Variants in RB1 observed in about 807,000 individuals in gnomAD.
The protein encoded by RB1 is retinoblastoma-associated protein.
RB1 carries 18 observed loss-of-function variants against 135.4 expected under a neutral mutation model. The observed-to-expected ratio is 0.13, with a 90% CI of 0.09 to 0.20. The LOEUF is 0.20. Ranked by LOEUF, RB1 falls within the 10% of genes least tolerant of loss-of-function variation. The probability of loss-of-function intolerance (pLI) is 1.00; values close to 1 mark genes in which losing one functional copy is unlikely to be tolerated. For missense variants in RB1, 868 were observed against 1,110.0 expected, an observed-to-expected ratio of 0.78 and a Z score of 3.10; for synonymous variants, 365 against 373.2, an observed-to-expected ratio of 0.98 and a Z score of 0.25.
At chr13:48,473,069 G>A (rs1187172475) in intron 23 of RB1, among the ~76,000 whole-genome samples, 2 of 152,154 alleles carry the variant, frequency 1.3e-5, no homozygotes, top group African/African-American at 4.8e-5. Flanking sequence ...GAAGAACTAA[G>A]TAGGGGTAAC....
At chr13:48,430,323 G>A (rs2138274749) in intron 17 of RB1, among the ~76,000 whole-genome samples, 2 of 152,092 alleles carry the variant, frequency 1.3e-5, no homozygotes, top group Admixed American at 1.3e-4. Context: ...AAAAAAAGAG[G>A]TAGACTTTGA....
chr13:48,465,566 G>A (rs1226429956), intron 23 of RB1, among the ~76,000 whole-genome samples, 198 bp downstream of exon 23: 6 of 152,148 alleles, frequency 3.9e-5, no homozygotes, highest in African/African-American at 7.2e-5. Flanking sequence ...CAAGATGGCC[G>A]AATAGGAACA....
At chr13:48,367,732 A>G in intron 10 of RB1, 129 bp downstream of exon 10, 1 of 1,094,528 alleles carries the variant, frequency 9.1e-7, no homozygotes, top group Non-Finnish European at 1.3e-6. Context: ...AAATGTCTTT[A>G]TACAAAGAAA....
At chr13:48,459,542 G>C in intron 19 of RB1, 146 bp from the exon 20 acceptor site, 1 of 808,506 alleles carries the variant, frequency 1.2e-6, no homozygotes, top group Non-Finnish European at 2.1e-6. Flanking sequence ...TGTTTCTCTG[G>C]GGGAAAGAAA....
intron 17 of RB1, chr13:48,406,554 A>G (rs1477638164): frequency 1.3e-5 from 2 of 152,166 alleles, no homozygotes. Context: ...TGTCTCCCCT[A>G]CCTTGAAATT....
rs762189917 is a variant in RB1, at chr13:48,412,308, A to G, written c.1695+30865A>G. The G allele has an allele frequency of 5.0e-6, 8 of 1,613,192 alleles. No homozygotes were observed. The highest frequency in any genetic ancestry group is 1.3e-5 in the African/African-American group (1 of 74,916). On this transcript the variant is annotated intron_variant, in intron 17 of 26. Transcript: ENST00000267163. ...TTTGAGGACGCAGATGAAAATGTAT[A>G]TGGCAACACAATTGGATATTAACCC...
Position 48,303,764 on chromosome 13 carries a change from G to T in RB1, c.-149G>T, listed in dbSNP as rs1014776340. ...GACGCGGCGCTCAGTTGCCGGGCGG[G>T]GGAGGGCGCGTCCGGTTTTTCTCAG... On this transcript the variant is annotated 5_prime_UTR_variant, in exon 1 of 27. Coordinates refer to ENST00000267163, the MANE Select transcript of RB1 (RefSeq NM_000321.3). 10 of 1,248,776 alleles carry T rather than the reference G, an allele frequency of 8.0e-6. No individual in the cohort carries two copies. In the Admixed American group the frequency reaches 3.0e-4, roughly 38 times the overall value. 77.4% of individuals were successfully genotyped at this position (1,248,776 alleles called of 1,614,324 possible).
At chr13:48,313,950 T>C (rs1482962485) in intron 2 of RB1, among the ~76,000 whole-genome samples, 4 of 151,916 alleles carry the variant, frequency 2.6e-5, no homozygotes, top group African/African-American at 9.7e-5. Context: ...GGGGTTTCAC[T>C]GTGTTAGCCA....
intron 6 of RB1, among the ~76,000 whole-genome samples, chr13:48,353,632 C>A (rs1265563201): frequency 1.3e-5 from 2 of 151,856 alleles, no homozygotes; most frequent in South Asian, 2.1e-4. Flanking sequence ...CAGATAAAGA[C>A]CCATTAAAAA....
intron 3 of RB1, among the ~76,000 whole-genome samples, chr13:48,343,221 A>C (rs1358858118): frequency 1.3e-5 from 2 of 152,142 alleles, no homozygotes; most frequent in African/African-American, 4.8e-5. Context: ...TGTTGAGTTT[A>C]TAAGCCTCAT....
chr13:48,346,956 G>T lies in RB1; in HGVS notation c.501-869G>T, dbSNP rs1013821594. Among the ~76,000 whole-genome samples, 9 of 147,132 alleles carry T rather than the reference G, an allele frequency of 6.1e-5. No homozygotes were observed. In the South Asian group the frequency reaches 1.1e-3, roughly 18 times the overall value. On this transcript the variant is annotated intron_variant, in intron 4 of 26. Transcript: ENST00000267163. Reference sequence around the variant, plus strand: ...TACTTTAAGATCTATAATCATCAGGGTTTTTTTTTTTCTAGATATAGAATT... The same window carrying T: ...TACTTTAAGATCTATAATCATCAGGTTTTTTTTTTTTCTAGATATAGAATT...
At chr13:48,317,226 A>G in intron 2 of RB1, 1 of 423,684 alleles carries the variant, frequency 2.4e-6, no homozygotes, top group Non-Finnish European at 4.1e-6. Context: ...CCCCCCTGGG[A>G]GACACCCTTT....
chr13:48,383,798 A>G (rs1168565392), intron 17 of RB1, among the ~76,000 whole-genome samples: 1 of 152,138 alleles, frequency 6.6e-6, no homozygotes, highest in African/African-American at 2.4e-5. Flanking sequence ...AGTAAATAAA[A>G]TAAGCACATA....
intron 2 of RB1, among the ~76,000 whole-genome samples, chr13:48,324,281 A>G (rs1952265302): frequency 6.6e-6 from 1 of 152,138 alleles, no homozygotes. Context: ...TATTGTGACT[A>G]TATAGTGTTT....
chr13:48,366,778 G>A (rs1361779957), intron 9 of RB1, among the ~76,000 whole-genome samples: 1 of 152,134 alleles, frequency 6.6e-6, no homozygotes, highest in African/African-American at 2.4e-5. Flanking sequence ...TAATCAAGAG[G>A]ATTTGCAACA....
chr13:48,360,132 GTATT>G lies in RB1; in HGVS notation c.718+8_718+11del, dbSNP rs1593443613. ...TGTTGCTCAAAGAACCATATAGTAA[GTATT>G]TAATTTATGCCCCTTTTACTTTCTC... On this transcript the variant is annotated splice_donor_region_variant and intron_variant, in intron 7 of 26. Coordinates refer to ENST00000267163, the MANE Select transcript of RB1 (RefSeq NM_000321.3). 6.2e-7 allele frequency: 1 copy of G among 1,611,814 alleles called. No individual in the cohort carries two copies. Among genetic ancestry groups the G allele is most frequent in the South Asian group, 1.1e-5 (1 of 91,038 alleles).
chr13:48,332,790 C>G (rs570225533), intron 2 of RB1, among the ~76,000 whole-genome samples: 1 of 152,178 alleles, frequency 6.6e-6, no homozygotes, highest in Non-Finnish European at 1.5e-5. Flanking sequence ...CCCTTATCCT[C>G]AGAGGATATG....
At chr13:48,398,750 T>C (rs1448038559) in intron 17 of RB1, among the ~76,000 whole-genome samples, 1 of 152,084 alleles carries the variant, frequency 6.6e-6, no homozygotes, top group Non-Finnish European at 1.5e-5. Context: ...ACTACCTCTA[T>C]AATATATAGT....
chr13:48,446,233 C>T (rs1949286485), intron 17 of RB1, among the ~76,000 whole-genome samples: 1 of 152,160 alleles, frequency 6.6e-6, no homozygotes, highest in South Asian at 2.1e-4. Flanking sequence ...GCTGGGATTA[C>T]AGGCCTGAGC....
Sources: gnomAD v4.1 joint callset for allele counts (sites outside exome capture counted in the v4.1 genomes callset) on GRCh38, gnomAD v4.1.1 for gene constraint, MANE v1.5 for transcripts, NCBI Gene and HGNC (gene_info 2026-07-23, HGNC 2026-07-21) for gene names.